Variants in GSK3A observed in about 807,000 individuals in gnomAD.
The protein encoded by GSK3A is glycogen synthase kinase-3 alpha.
In GSK3A, 14 loss-of-function variants were observed where a neutral mutation model predicts 56.6. The observed-to-expected ratio is 0.25, with a 90% confidence interval of 0.16 to 0.39. GSK3A has a LOEUF of 0.39. GSK3A is among the 10% of genes least tolerant of loss of function. The pLI, the probability that GSK3A is intolerant of heterozygous loss-of-function variation, is 1.00. For missense variants in GSK3A, 450 were observed against 656.0 expected (o/e 0.69, Z 3.43); for synonymous variants, 301 against 285.0 (o/e 1.06, Z -0.56).
chr19:42,236,580 T>A (rs759740026), intron 4 of GSK3A, 26 bp downstream of exon 4: 1 of 1,391,188 alleles, frequency 7.2e-7, no homozygotes, highest in Non-Finnish European at 1.0e-6. Context: ...TGGGCCTGGG[T>A]CCCAGCAGCC....
Position 42,236,932 on chromosome 19 carries a change from G to C in GSK3A, c.481C>G (p.Leu161Val). The stretch of plus-strand genomic sequence containing the variant: ...TGGTCCAGCTTACGCATGATCTGCA[G>C]CTCTCGGTTCTTGAGGGCAAAGGGA... ...LQDKRFKNRE[L>V]QIMRKLDHCN... The change falls in exon 3 of 11, where the codon CTG becomes GTG. Residue 161 changes from leucine to valine, a missense_variant. Physicochemically the swap from Leu to Val is conservative, Grantham distance 32. Transcript: ENST00000222330. The C allele has an allele frequency of 6.2e-7, 1 of 1,610,676 alleles. No homozygotes were observed. The highest frequency in any genetic ancestry group is 8.5e-7 in the Non-Finnish European group (1 of 1,176,890).
At position 42,240,076 on chromosome 19, in the gene GSK3A, A is replaced by C; in HGVS notation, c.350T>G (p.Val117Gly). The change falls in exon 2 of 11, where the codon GTG becomes GGG. Residue 117 changes from valine to glycine, a missense_variant. Val to Gly is a moderately radical substitution (Grantham distance 109). This residue lies in a region of GSK3A where 193 missense variants were observed against 200.5 expected (regional missense o/e 0.96). Coordinates refer to ENST00000222330, the MANE Select transcript of GSK3A (RefSeq NM_019884.3). ...LGQGPERSQEVAYTDIKVIGN... is the reference protein window; with the variant it reads ...LGQGPERSQEGAYTDIKVIGN... The stretch of plus-strand genomic sequence containing the variant: ...AATCACTTTGATGTCCGTGTAAGCC[A>C]CTTCTTGGGAGCGCTCTGGGCCTTG... 1 of 1,614,086 alleles carries C rather than the reference A, an allele frequency of 6.2e-7. No individual in the cohort carries two copies. The highest frequency in any genetic ancestry group is 8.5e-7 in the Non-Finnish European group (1 of 1,180,004).
intron 7 of GSK3A, 24 bp downstream of exon 7, chr19:42,233,262 G>GGCCCCCCCCCCCCCC: frequency 3.7e-6 from 4 of 1,077,414 alleles, no homozygotes; most frequent in Non-Finnish European, 2.8e-6. Context: ...CCCACCCCCT[G>GGCCCCCCCCCCCCCC]CCCAGCCCAG....
At position 42,242,198 on chromosome 19, in the gene GSK3A, C is replaced by T; in HGVS notation, c.268G>A (p.Gly90Arg). 1.4e-6 allele frequency: 2 copies of T among 1,433,964 alleles called. No homozygotes were observed. Among genetic ancestry groups the T allele is most frequent in the Admixed American group, 2.7e-5 (1 of 36,828 alleles). 88.8% of individuals were successfully genotyped at this position (1,433,964 alleles called of 1,614,324 possible). The change falls in exon 1 of 11, where the codon GGG (glycine) becomes AGG (arginine). Residue 90 changes from glycine to arginine, a missense_variant. Gly to Arg is a moderately radical substitution (Grantham distance 125, BLOSUM62 -2). Coordinates refer to ENST00000222330, the MANE Select transcript of GSK3A (RefSeq NM_019884.3). Reference sequence around the variant, plus strand: ...TAGTACTCACGGCCCAGCTTCACCCCGGGCGGCGGGAAGCTAGTGCCTGCG... The same window carrying T: ...TAGTACTCACGGCCCAGCTTCACCCTGGGCGGCGGGAAGCTAGTGCCTGCG... ...PGAGTSFPPP[G>R]VKLGRDSGKV...
intron 2 of GSK3A, among the ~76,000 whole-genome samples, chr19:42,239,691 C>T (rs1222906980): frequency 6.6e-6 from 1 of 152,192 alleles, no homozygotes; most frequent in Admixed American, 6.5e-5. Context: ...ATGGGTATAA[C>T]CACAGTACCT....
At chr19:42,238,726 G>A (rs1405047200) in intron 2 of GSK3A, among the ~76,000 whole-genome samples, 7 of 151,576 alleles carry the variant, frequency 4.6e-5, no homozygotes, top group African/African-American at 1.2e-4. Context: ...TTGGGAGGTC[G>A]AGGTGGGGGC....
rs769810377 is a variant in GSK3A, at chr19:42,234,702, A to C, written c.667-24T>G. 2 of 1,538,888 alleles carry C rather than the reference A, an allele frequency of 1.3e-6. No homozygotes were observed. The highest frequency in any genetic ancestry group is 2.4e-5 in the South Asian group (2 of 82,972). Reference sequence around the variant, plus strand: ...ACCTGCGGCGGGCACAGGATAGCAGAACTTTAGCCCAGCTTTCCCCATACA... The same window carrying C: ...ACCTGCGGCGGGCACAGGATAGCAGCACTTTAGCCCAGCTTTCCCCATACA... On this transcript the variant is annotated intron_variant, in intron 4 of 10. Transcript: ENST00000222330. The surrounding 1 kb of genome is among the most constrained non-coding windows in gnomAD (Gnocchi z 5.7).
chr19:42,238,754 G>A (rs1344078272), intron 2 of GSK3A, among the ~76,000 whole-genome samples: 1 of 151,664 alleles, frequency 6.6e-6, no homozygotes, highest in Non-Finnish European at 1.5e-5. Flanking sequence ...TTGAGGTCAG[G>A]AGTTCGAGAC....
intron 4 of GSK3A, among the ~76,000 whole-genome samples, chr19:42,236,283 G>T (rs753071294): frequency 6.6e-6 from 1 of 152,110 alleles, no homozygotes; most frequent in Admixed American, 6.5e-5. Flanking sequence ...TGCAGTCCTG[G>T]TCCCCACCAC....
At position 42,232,254 on chromosome 19, in the gene GSK3A, C is replaced by T. The variant is rs899182478; in HGVS notation, c.1286-105G>A. 20 of 779,200 alleles carry T rather than the reference C, an allele frequency of 2.6e-5. No individual in the cohort carries two copies. In the Admixed American group the frequency reaches 3.2e-4, roughly 12 times the overall value. The allele number at this position is 779,200 out of a possible 1,614,324, so 48.3% of individuals were successfully genotyped here. On this transcript the variant is annotated intron_variant, in intron 9 of 10. Transcript: ENST00000222330. ...GGGAAGGCCAGTTGTTTGTGGACAC[C>T]TTCAGCCACAGACCTCTCTCAATGA...
chr19:42,231,421 A>G (rs963886560), intron 10 of GSK3A, among the ~76,000 whole-genome samples: 8 of 152,120 alleles, frequency 5.3e-5, no homozygotes, highest in Non-Finnish European at 1.2e-4. Context: ...TTGCTGCCCA[A>G]TCTGATTTTC....
In GSK3A at chr19:42,240,024, G is replaced by A. The variant is rs2036281583; in HGVS notation, c.402C>T (p.Tyr134=). 4 of 1,614,134 alleles carry A rather than the reference G, an allele frequency of 2.5e-6. No homozygotes were observed. The highest frequency in any genetic ancestry group is 3.4e-6 in the Non-Finnish European group (4 of 1,180,008). The part of the protein sequence containing the change: ...VIGNGSFGVV[Y]QARLAETREL... ...CCCTGGTCTCTGCCAGCCGTGCCTG[G>A]TACACGACCCCAAATGAGCCATTGC... is the stretch of plus-strand genomic sequence containing the variant. Residue 134 remains tyrosine, a synonymous_variant, in exon 2 of 11, where the codon TAC becomes TAT. Coordinates refer to ENST00000222330, the MANE Select transcript of GSK3A (RefSeq NM_019884.3).
Position 42,242,219 on chromosome 19 carries a change from C to A in GSK3A, c.247G>T (p.Gly83Cys). ...GGGGSGGPGA[G>C]TSFPPPGVKL... ...ACCCCGGGCGGCGGGAAGCTAGTGC[C>A]TGCGCCGGGGCCTCCGCTGCCTCCT... The change falls in exon 1 of 11, where the codon GGC becomes TGC. Residue 83 changes from glycine (G) to cysteine (C), a missense_variant. This residue lies in a region of GSK3A where 193 missense variants were observed against 200.5 expected (regional missense o/e 0.96). Coordinates refer to ENST00000222330, the MANE Select transcript of GSK3A (RefSeq NM_019884.3). The A allele has an allele frequency of 6.9e-7, 1 of 1,444,880 alleles. No homozygotes were observed. The highest frequency in any genetic ancestry group is 1.9e-4 in the Middle Eastern group (1 of 5,224). 89.5% of individuals were successfully genotyped at this position (1,444,880 alleles called of 1,614,324 possible). A position where few individuals can be genotyped will look rare whatever the true frequency, so the allele number is the denominator to read the frequency against.
rs560686630 is a variant in GSK3A, at chr19:42,234,884, C to T, written c.667-206G>A. Among the ~76,000 whole-genome samples, 9 of 152,312 alleles carry T rather than the reference C, an allele frequency of 5.9e-5. No homozygotes were observed. The highest frequency in any genetic ancestry group is 4.6e-4 in the Admixed American group (7 of 15,300). On this transcript the variant is annotated intron_variant, in intron 4 of 10. Transcript: ENST00000222330. This position sits in a 1 kb window ranked among gnomAD's most constrained non-coding sequence, Gnocchi z 5.7. Reference sequence around the variant, plus strand: ...GTTAAAACAGGGACTACTGGCTGGGCGTGGCGGGTCACGCCTGTAATCCCG... The same window carrying T: ...GTTAAAACAGGGACTACTGGCTGGGTGTGGCGGGTCACGCCTGTAATCCCG...
Position 42,230,838 on chromosome 19 carries a change from A to G in GSK3A, c.1408T>C (p.Trp470Arg). 6.4e-7 allele frequency: 1 copy of G among 1,563,188 alleles called. No homozygotes were observed. Among genetic ancestry groups the G allele is most frequent in the Admixed American group, 1.9e-5 (1 of 52,520 alleles). The change falls in exon 11 of 11, where the codon TGG becomes CGG. Residue 470 changes from tryptophan to arginine, a missense_variant. Trp to Arg is a moderately radical substitution (Grantham distance 101, BLOSUM62 -3). Transcript: ENST00000222330. ...ALTETPTSSDWQSTDATPTLT... is the reference protein window; with the variant it reads ...ALTETPTSSDRQSTDATPTLT... ...GTAGGTGTGGCATCGGTCGACTGCC[A>G]GTCTGAGCTGGTCGGAGTCTCAGTT...
Position 42,242,539 on chromosome 19 carries a change from T to C in GSK3A, c.-74A>G. The C allele has an allele frequency of 1.0e-6, 1 of 971,354 alleles. No individual in the cohort carries two copies. The highest frequency in any genetic ancestry group is 1.2e-6 in the Non-Finnish European group (1 of 810,004). The allele number at this position is 971,354 out of a possible 1,614,324, so 60.2% of individuals were successfully genotyped here. ...CCCAGCCGCCGCCGCTGCCGCCGCC[T>C]CCCCCGGGCCCTGGCCTCTTCCAGG... On this transcript the variant is annotated 5_prime_UTR_variant, in exon 1 of 11. Coordinates refer to ENST00000222330, the MANE Select transcript of GSK3A (RefSeq NM_019884.3).
Position 42,240,148 on chromosome 19 carries a change from G to A in GSK3A, c.284-6C>T, listed in dbSNP as rs780833687. On this transcript the variant is annotated splice_region_variant and splice_polypyrimidine_tract_variant and intron_variant, in intron 1 of 10. Coordinates refer to ENST00000222330, the MANE Select transcript of GSK3A (RefSeq NM_019884.3). The stretch of plus-strand genomic sequence containing the variant: ...GGTCACCTTCCCGCTGTCACCTGGG[G>A]AACAAAGGGGATACACGATCCACTG... The A allele has an allele frequency of 9.3e-6, 15 of 1,613,480 alleles. No individual in the cohort carries two copies. In the African/African-American group the frequency reaches 1.9e-4, roughly 20 times the overall value.
At chr19:42,238,827 GGC>G (rs2036274547) in intron 2 of GSK3A, among the ~76,000 whole-genome samples, 1 of 151,738 alleles carries the variant, frequency 6.6e-6, no homozygotes, top group Non-Finnish European at 1.5e-5. Context: ...AAATTAGCCA[GGC>G]ATAGTGGCCC....
chr19:42,233,283 C>G lies in GSK3A; in HGVS notation c.1002+3G>C. ...CCCTGCCCAGCCCAGCCCCGCCCCT[C>G]ACCTTGATGATCTCCACCAGCTGGT... is the stretch of plus-strand genomic sequence containing the variant. On this transcript the variant is annotated splice_donor_region_variant and intron_variant, in intron 7 of 10. Coordinates refer to ENST00000222330, the MANE Select transcript of GSK3A (RefSeq NM_019884.3). 1.3e-6 allele frequency: 2 copies of G among 1,566,016 alleles called. No individual in the cohort carries two copies. The highest frequency in any genetic ancestry group is 2.3e-5 in the South Asian group (2 of 87,234).
Sources: allele counts gnomAD v4.1 joint callset (sites outside exome capture counted in the v4.1 genomes callset), GRCh38; gene constraint gnomAD v4.1.1; regional missense constraint gnomAD v4.1.1; non-coding constraint Gnocchi (gnomAD v3.1); transcripts MANE v1.5; gene names NCBI Gene and HGNC (gene_info 2026-07-23, HGNC 2026-07-21).